TIMD4: variants seen among roughly 807,000 people sequenced by gnomAD.
TIMD4 encodes T-cell immunoglobulin and mucin domain-containing protein 4.
Under a neutral mutation model 41.2 loss-of-function variants are expected in TIMD4, and 31 were observed. The observed-to-expected ratio is 0.75, with a 90% CI of 0.57 to 1.01. TIMD4 has a LOEUF of 1.01. Among genes scored for constraint, TIMD4 ranks in the 50% least tolerant of loss-of-function variants. The probability of loss-of-function intolerance (pLI) is 0.00; values close to 1 mark genes in which losing one functional copy is unlikely to be tolerated. For missense variants in TIMD4, 479 were observed against 472.5 expected (o/e 1.01, Z -0.13); for synonymous variants, 204 against 177.1 (o/e 1.15, Z -1.21).
At chr5:156,952,385 G>A (rs921449726) in intron 2 of TIMD4, among the ~76,000 whole-genome samples, 5 of 151,394 alleles carry the variant, frequency 3.3e-5, no homozygotes, top group Non-Finnish European at 7.4e-5. Flanking sequence ...ACCCAGTCCT[G>A]CACCTTGGCC....
chr5:156,921,581 T>C (rs1159615841), intron 7 of TIMD4, among the ~76,000 whole-genome samples: 1 of 125,104 alleles, frequency 8.0e-6, no homozygotes, highest in Non-Finnish European at 1.5e-5. Flanking sequence ...ATCACGCCAC[T>C]GCACTCCAGC....
chr5:156,961,540 C>G (rs548670859), intron 1 of TIMD4, among the ~76,000 whole-genome samples: 1 of 152,096 alleles, frequency 6.6e-6, no homozygotes, highest in African/African-American at 2.4e-5. Context: ...CGGTGACTCA[C>G]GCCTATAAGC....
intron 5 of TIMD4, among the ~76,000 whole-genome samples, chr5:156,944,489 T>C (rs984444708): frequency 1.4e-5 from 2 of 146,688 alleles, no homozygotes; most frequent in African/African-American, 5.0e-5. Context: ...TGTTCAGCTG[T>C]GTGATCTTTT....
At position 156,941,667 on chromosome 5, in the gene TIMD4, A is replaced by G. The variant is rs1371913087; in HGVS notation, c.844+6749T>C. On this transcript the variant is annotated intron_variant, in intron 5 of 8. Coordinates refer to ENST00000274532, the MANE Select transcript of TIMD4 (RefSeq NM_138379.3). ...CCCCAGTGTGCCTTTTCTTACCTCT[A>G]TCTCAAAGCAGAGCTCACTAAAGGA... is the stretch of plus-strand genomic sequence containing the variant. Among the ~76,000 whole-genome samples, 4 of 152,260 alleles carry G rather than the reference A, an allele frequency of 2.6e-5. No homozygotes were observed. The East Asian group carries it at 7.7e-4, about 29-fold the overall frequency.
chr5:156,939,641 T>C (rs1027044551), intron 5 of TIMD4, among the ~76,000 whole-genome samples: 7 of 152,198 alleles, frequency 4.6e-5, no homozygotes, highest in Non-Finnish European at 7.3e-5. Flanking sequence ...AACTTAACTC[T>C]TCCTCATGGA....
rs544684502 is a variant in TIMD4, at chr5:156,956,442, G to A, written c.59-1686C>T. ...GTGTTTTAACCACTTCTCCTCATTA[G>A]CATGACCTAGGGAGCTTGTTAAAAA... On this transcript the variant is annotated intron_variant, in intron 1 of 8. Transcript: ENST00000274532. Among the ~76,000 whole-genome samples the A allele has an allele frequency of 3.2e-4, 49 of 152,272 alleles. No homozygotes were observed. In the South Asian group the frequency reaches 9.7e-3, roughly 30 times the overall value.
chr5:156,951,434 T>C (rs1193754071), intron 3 of TIMD4, 78 bp downstream of exon 3: 2 of 1,558,110 alleles, frequency 1.3e-6, no homozygotes, highest in Non-Finnish European at 1.7e-6. Flanking sequence ...ACACACACAC[T>C]GAGAGAGAGC....
intron 3 of TIMD4, among the ~76,000 whole-genome samples, chr5:156,950,134 T>A (rs1759826966): frequency 6.6e-6 from 1 of 152,072 alleles, no homozygotes; most frequent in African/African-American, 2.4e-5. Context: ...TTTTTCTAAT[T>A]TATCTAATTC....
In TIMD4 at chr5:156,951,635, T is replaced by A. The variant is rs184214058; in HGVS notation, c.556A>T (p.Thr186Ser). 1 of 1,614,046 alleles carries A rather than the reference T, an allele frequency of 6.2e-7. No homozygotes were observed. Among genetic ancestry groups the A allele is most frequent in the African/African-American group, 1.3e-5 (1 of 74,920 alleles). Residue 186 changes from threonine to serine, a missense_variant, in exon 3 of 9, where the codon ACA becomes TCA. By Grantham distance (58) the Thr-to-Ser change is moderately conservative. Coordinates refer to ENST00000274532, the MANE Select transcript of TIMD4 (RefSeq NM_138379.3). ...GCTGTTGTGAAGACGGCAATGGTTG[T>A]CATCTGGAGTGGTGTTCCGGTTGTG... ...DLTTGTPLQM[T>S]TIAVFTTANT...
In TIMD4 at chr5:156,948,498, C is replaced by T. The variant is rs780474377; in HGVS notation, c.762G>A (p.Glu254=). 6.5e-7 allele frequency: 1 copy of T among 1,543,692 alleles called. No homozygotes were observed. The highest frequency in any genetic ancestry group is 2.0e-5 in the Admixed American group (1 of 50,134). The part of the protein sequence containing the change: ...SADTVLLTSK[E]SKVWDLPSTS... The stretch of plus-strand genomic sequence containing the variant: ...TTGATGGGAGATCCCAAACTTTGGA[C>T]TCTTTGGAAAAACAAAGGAAAACAG... The change falls in exon 5 of 9, where the codon GAG becomes GAA. Residue 254 remains glutamate (E), a splice_region_variant and synonymous_variant. Coordinates refer to ENST00000274532, the MANE Select transcript of TIMD4 (RefSeq NM_138379.3).
intron 5 of TIMD4, among the ~76,000 whole-genome samples, chr5:156,946,425 A>C (rs1759741961): frequency 1.3e-5 from 2 of 152,138 alleles, no homozygotes; most frequent in Admixed American, 6.5e-5. Context: ...GTCTTACTTC[A>C]AAACCTATCC....
Position 156,926,291 on chromosome 5 carries a change from T to A in TIMD4, c.866A>T (p.Glu289Val). The A allele has an allele frequency of 1.2e-6, 2 of 1,613,664 alleles. No individual in the cohort carries two copies. Residue 289 changes from glutamate to valine, a missense_variant, in exon 6 of 9, where the codon GAG becomes GTG. Transcript: ENST00000274532. ...TCCTGTTTTTGTTGTTTTGTTCTGC[T>A]CAGGAACTGCTGTATCAGATGCTGG... Reference protein sequence around the residue: ...QPGASDTAVPEQNKTTKTGQM... With the variant: ...QPGASDTAVPVQNKTTKTGQM...
intron 4 of TIMD4, among the ~76,000 whole-genome samples, chr5:156,949,399 G>C (rs1006809674): frequency 6.7e-6 from 1 of 148,326 alleles, no homozygotes. Flanking sequence ...ATCAAGAAGG[G>C]TCTTCCTTTT....
chr5:156,924,896 A>G (rs1759317428), intron 6 of TIMD4, among the ~76,000 whole-genome samples: 1 of 152,214 alleles, frequency 6.6e-6, no homozygotes, highest in African/African-American at 2.4e-5. Flanking sequence ...TCCTACAAGC[A>G]AACAAATCTG....
At chr5:156,963,117 C>T (rs1753105774) in intron 1 of TIMD4, 24 bp downstream of exon 1, 1 of 1,611,828 alleles carries the variant, frequency 6.2e-7, no homozygotes, top group African/African-American at 1.3e-5. Flanking sequence ...GAAACTTCTA[C>T]ATAGAAGGTT....
intron 5 of TIMD4, among the ~76,000 whole-genome samples, chr5:156,944,495 C>CTTTT (rs5872492): frequency 8.7e-5 from 6 of 69,092 alleles, no homozygotes; most frequent in South Asian, 7.9e-4. Context: ...GCTGTGTGAT[C>CTTTT]TTTTTTTTTT....
intron 5 of TIMD4, among the ~76,000 whole-genome samples, chr5:156,927,871 G>A (rs1381292997): frequency 3.3e-5 from 5 of 152,030 alleles, no homozygotes; most frequent in African/African-American, 1.2e-4. Flanking sequence ...GAGTGACCGT[G>A]GGGCACATGC....
chr5:156,949,602 C>T (rs1759814296), intron 4 of TIMD4, 49 bp downstream of exon 4: 1 of 1,443,380 alleles, frequency 6.9e-7, no homozygotes. Flanking sequence ...ATTTCCTTCT[C>T]CTCAGTACAA....
chr5:156,944,457 G>T (rs537954212), intron 5 of TIMD4, among the ~76,000 whole-genome samples: 1 of 149,562 alleles, frequency 6.7e-6, no homozygotes, highest in Non-Finnish European at 1.5e-5. Flanking sequence ...TAAAAGCTGG[G>T]TATGACTCCT....
Sources: gnomAD v4.1 joint callset for allele counts (sites outside exome capture counted in the v4.1 genomes callset) on GRCh38, gnomAD v4.1.1 for gene constraint, MANE v1.5 for transcripts, NCBI Gene and HGNC (gene_info 2026-07-23, HGNC 2026-07-21) for gene names.